The following OSBPL9 variants were observed in gnomAD, a reference collection of about 807,000 sequenced individuals.
OSBPL9 encodes oxysterol binding protein like 9, also known as oxysterol-binding protein-related protein 9.
Under a neutral mutation model 106.6 loss-of-function variants are expected in OSBPL9, and 40 were observed. That is an observed-to-expected ratio of 0.38 (90% CI 0.29 to 0.49). The LOEUF is 0.49. OSBPL9 is among the 20% of genes least tolerant of loss of function. The probability of loss-of-function intolerance (pLI) is 0.97; values close to 1 mark genes in which losing one functional copy is unlikely to be tolerated. For missense variants in OSBPL9, 609 were observed against 887.2 expected (o/e 0.69, Z 3.98); for synonymous variants, 269 against 295.4 (o/e 0.91, Z 0.92).
At chr1:51,779,585 T>C (rs1345215602) in intron 15 of OSBPL9, among the ~76,000 whole-genome samples, 1 of 151,698 alleles carries the variant, frequency 6.6e-6, no homozygotes, top group Non-Finnish European at 1.5e-5. Context: ...GCAAAAGAAA[T>C]AACAGAGTAA....
chr1:51,553,283 G>C, the OSBPL9 span, among the ~76,000 whole-genome samples: 3 of 152,076 alleles, frequency 2.0e-5, no homozygotes, highest in Non-Finnish European at 4.4e-5. Flanking sequence ...GGCTGAGGCA[G>C]GTGGATTGCT....
intron 2 of OSBPL9, among the ~76,000 whole-genome samples, chr1:51,601,050 C>T (rs1420391436): frequency 2.0e-5 from 3 of 152,070 alleles, no homozygotes; most frequent in African/African-American, 7.2e-5. Context: ...TGCATCCATC[C>T]CACTTAACTG....
chr1:51,614,796 A>G (rs1471042340), upstream of OSBPL9, among the ~76,000 whole-genome samples: 1 of 152,120 alleles, frequency 6.6e-6, no homozygotes, highest in Non-Finnish European at 1.5e-5. Flanking sequence ...GTAGACAGCT[A>G]CTATTGTTAC....
At chr1:51,609,960 G>A (rs1643974807) in intron 2 of OSBPL9, among the ~76,000 whole-genome samples, 1 of 151,794 alleles carries the variant, frequency 6.6e-6, no homozygotes, top group African/African-American at 2.4e-5. Flanking sequence ...TGTTGGCCAG[G>A]CTGGTCTTGA....
At chr1:51,652,105 T>G in intron 2 of OSBPL9, 64 bp downstream of exon 2, 2 of 1,264,388 alleles carry the variant, frequency 1.6e-6, no homozygotes, top group South Asian at 2.6e-5. Flanking sequence ...TCTGATAGAA[T>G]TATGGAAGTC....
At chr1:51,537,409 G>T in the OSBPL9 span, among the ~76,000 whole-genome samples, 1 of 152,084 alleles carries the variant, frequency 6.6e-6, no homozygotes, top group African/African-American at 2.4e-5. Flanking sequence ...TTTCTCCAAA[G>T]AGCTACTCTT....
chr1:51,637,247 T>C (rs1645505129), intron 1 of OSBPL9, among the ~76,000 whole-genome samples: 1 of 152,128 alleles, frequency 6.6e-6, no homozygotes, highest in African/African-American at 2.4e-5. Flanking sequence ...ATCCACCACT[T>C]TGGGAGGCTG....
At chr1:51,671,497 A>G (rs976634723) in intron 3 of OSBPL9, among the ~76,000 whole-genome samples, 11 of 152,240 alleles carry the variant, frequency 7.2e-5, no homozygotes, top group Non-Finnish European at 1.6e-4. Flanking sequence ...TTGTTCAGAT[A>G]CATTCATTTA....
At chr1:51,713,291 A>G (rs1445788372) in intron 3 of OSBPL9, among the ~76,000 whole-genome samples, 1 of 152,076 alleles carries the variant, frequency 6.6e-6, no homozygotes, top group Non-Finnish European at 1.5e-5. Flanking sequence ...CTGGGATTAC[A>G]GGGACCCGCC....
intron 13 of OSBPL9, among the ~76,000 whole-genome samples, 196 bp downstream of exon 13, chr1:51,772,378 G>GGTGGT (rs1223737481): frequency 6.6e-6 from 1 of 152,156 alleles, no homozygotes; most frequent in African/African-American, 2.4e-5. Flanking sequence ...AGCTGGGCAT[G>GGTGGT]GTGGTGCGTG....
chr1:51,543,831 T>C, the OSBPL9 span, among the ~76,000 whole-genome samples: 4 of 152,224 alleles, frequency 2.6e-5, no homozygotes, highest in African/African-American at 7.2e-5. Flanking sequence ...GCCTCAGCAC[T>C]GTAGACCTCT....
chr1:51,638,542 G>C (rs1645592911), intron 1 of OSBPL9, among the ~76,000 whole-genome samples: 3 of 151,722 alleles, frequency 2.0e-5, no homozygotes, highest in South Asian at 2.1e-4. Context: ...GAGCAACATA[G>C]TGAGACTCTA....
chr1:51,646,369 G>T (rs1646153151), intron 1 of OSBPL9, among the ~76,000 whole-genome samples: 1 of 151,956 alleles, frequency 6.6e-6, no homozygotes, highest in Admixed American at 6.6e-5. Context: ...TTTACCTTTT[G>T]ATGCTATTAT....
At chr1:51,614,127 C>T (rs538750401), upstream of OSBPL9, among the ~76,000 whole-genome samples, 1 of 152,180 alleles carries the variant, frequency 6.6e-6, no homozygotes, top group East Asian at 1.9e-4. Flanking sequence ...TCCCAGAAAC[C>T]TTTATTAAAT....
intron 4 of OSBPL9, among the ~76,000 whole-genome samples, chr1:51,715,602 A>G (rs1660898108): frequency 6.6e-6 from 1 of 152,088 alleles, no homozygotes; most frequent in Non-Finnish European, 1.5e-5. Flanking sequence ...TAAGTGTTTT[A>G]GTGATCATAT....
At chr1:51,776,667 C>G (rs796745357) in intron 14 of OSBPL9, among the ~76,000 whole-genome samples, 166 bp from the exon 15 acceptor site, 66 of 151,808 alleles carry the variant, frequency 4.3e-4, no homozygotes, top group African/African-American at 1.6e-3. Context: ...ATTTCTGAAT[C>G]TGACAGGTTG....
At chr1:51,762,991 TTTG>T (rs1211957322) in intron 11 of OSBPL9, among the ~76,000 whole-genome samples, 2 of 152,202 alleles carry the variant, frequency 1.3e-5, no homozygotes, top group Admixed American at 1.3e-4. Context: ...GCATTTTCTT[TTTG>T]TTTGTTTAAA....
chr1:51,692,199 A>G (rs1358278790), intron 3 of OSBPL9, among the ~76,000 whole-genome samples: 1 of 152,176 alleles, frequency 6.6e-6, no homozygotes, highest in African/African-American at 2.4e-5. Flanking sequence ...ATTCTCAGCT[A>G]CTAAGAAGGC....
chr1:51,609,344 T>C lies in OSBPL9; in HGVS notation c.-352-4961T>C, dbSNP rs879531579. ...TGCCTTCAGCTACCTTCTCTCTCCT[T>C]TTTTTTTTTTTTTTTTAGAGATAGG... is the stretch of plus-strand genomic sequence containing the variant. On this transcript the variant is annotated intron_variant, in intron 2 of 25. Coordinates refer to the OSBPL9 transcript ENST00000371714. Among the ~76,000 whole-genome samples, 164 of 134,472 alleles carry C rather than the reference T, an allele frequency of 1.2e-3. 2 individuals are homozygous for C. The highest frequency in any genetic ancestry group is 3.8e-3 in the Middle Eastern group (1 of 266). The allele number at this position is 134,472 out of a possible 152,430, so 88.2% of individuals were successfully genotyped here. A position where few individuals can be genotyped will look rare whatever the true frequency, so the allele number is the denominator to read the frequency against.
Sources: allele counts gnomAD v4.1 joint callset (sites outside exome capture counted in the v4.1 genomes callset), GRCh38; gene constraint gnomAD v4.1.1; transcripts MANE v1.5; gene names NCBI Gene and HGNC (gene_info 2026-07-23, HGNC 2026-07-21).